The following L3MBTL3 variants were observed in gnomAD, a reference collection of about 807,000 sequenced individuals.
L3MBTL3 encodes lethal(3)malignant brain tumor-like protein 3.
A neutral mutation model predicts 102.3 loss-of-function variants in L3MBTL3; 27 were observed. The ratio of observed to expected loss-of-function variants is 0.26; its 90% CI spans 0.19 to 0.36. The LOEUF is 0.36. L3MBTL3 is among the 10% of genes least tolerant of loss of function. The probability of loss-of-function intolerance (pLI) is 1.00; values close to 1 mark genes in which losing one functional copy is unlikely to be tolerated. For missense variants in L3MBTL3, 798 were observed against 955.3 expected (o/e 0.84, Z 2.17); for synonymous variants, 340 against 320.9 (o/e 1.06, Z -0.64).
Position 130,133,270 on chromosome 6 carries a change from A to G in L3MBTL3, c.1967-182A>G. 1.8e-6 allele frequency: 1 copy of G among 568,090 alleles called. No individual in the cohort carries two copies. Among genetic ancestry groups the G allele is most frequent in the African/African-American group, 1.9e-5 (1 of 53,682 alleles). 35.2% of individuals were successfully genotyped at this position (568,090 alleles called of 1,614,324 possible). A position where few individuals can be genotyped will look rare whatever the true frequency, so the allele number is the denominator to read the frequency against. ...AGCAAATGATATCAGTTGAATTTAC[A>G]GGTTGTTTTTTATAGTGACCTTCAG... On this transcript the variant is annotated intron_variant, in intron 20 of 22. Transcript: ENST00000361794. The surrounding 1 kb of genome is among the most constrained non-coding windows in gnomAD (Gnocchi z 4.9).
chr6:130,082,914 C>G (rs1352445684), intron 14 of L3MBTL3, among the ~76,000 whole-genome samples: 1 of 152,192 alleles, frequency 6.6e-6, no homozygotes, highest in Non-Finnish European at 1.5e-5. Flanking sequence ...TGGTTTCCCT[C>G]AAACCTGGCT....
chr6:130,032,955 T>A (rs1050331757), intron 2 of L3MBTL3, among the ~76,000 whole-genome samples: 3 of 152,154 alleles, frequency 2.0e-5, no homozygotes, highest in Non-Finnish European at 4.4e-5. Context: ...ATTGCACCAC[T>A]GCACTCCAGC....
At chr6:130,041,858 G>C (rs1181084689) in intron 2 of L3MBTL3, among the ~76,000 whole-genome samples, 2 of 152,072 alleles carry the variant, frequency 1.3e-5, no homozygotes, top group Non-Finnish European at 2.9e-5. Flanking sequence ...TGTGAGAAAT[G>C]GTATTTAGAC....
chr6:130,089,502 T>G (rs1252890688), intron 16 of L3MBTL3, among the ~76,000 whole-genome samples: 1 of 152,182 alleles, frequency 6.6e-6, no homozygotes, highest in East Asian at 1.9e-4. Flanking sequence ...GTCTTTGCTA[T>G]TGTGAATAGT....
rs1471200452 is a variant in L3MBTL3 at position 130,049,182 on chromosome 6, G to GTAATA, written c.103-96_103-95insATAAT. ...AATTGTCTAAATTAACTTTTACCAT[G>GTAATA]TAATTAATTTGCTTGAAGACTATAT... On this transcript the variant is annotated intron_variant, in intron 3 of 22. Coordinates refer to ENST00000361794, the MANE Select transcript of L3MBTL3 (RefSeq NM_032438.4). 31 of 677,578 alleles carry GTAATA rather than the reference G, an allele frequency of 4.6e-5. 1 individual carries two copies. The South Asian group carries it at 5.7e-4, about 12-fold the overall frequency. 42.0% of individuals were successfully genotyped at this position (677,578 alleles called of 1,614,324 possible).
chr6:130,102,071 ATC>A (rs1562312475), intron 18 of L3MBTL3, among the ~76,000 whole-genome samples: 1 of 151,670 alleles, frequency 6.6e-6, no homozygotes. Flanking sequence ...CCCCCAAATC[ATC>A]TTCTCCTTAG....
At chr6:130,106,039 G>A (rs1784961711) in intron 19 of L3MBTL3, among the ~76,000 whole-genome samples, 1 of 152,116 alleles carries the variant, frequency 6.6e-6, no homozygotes, top group South Asian at 2.1e-4. Flanking sequence ...GTCAGCATTT[G>A]TGATCAAGGA....
intron 19 of L3MBTL3, among the ~76,000 whole-genome samples, chr6:130,116,856 T>C (rs1785720219): frequency 2.0e-5 from 3 of 152,036 alleles, no homozygotes; most frequent in Non-Finnish European, 4.4e-5. Context: ...GGTCAGGAAA[T>C]GTTTAGGTTG....
chr6:130,099,385 C>T (rs562047660), intron 18 of L3MBTL3, among the ~76,000 whole-genome samples: 1 of 152,106 alleles, frequency 6.6e-6, no homozygotes, highest in African/African-American at 2.4e-5. Flanking sequence ...AAACTTAGTA[C>T]GTGAGAAATT....
intron 19 of L3MBTL3, among the ~76,000 whole-genome samples, chr6:130,116,526 G>A (rs970565916): frequency 6.6e-6 from 1 of 152,168 alleles, no homozygotes; most frequent in Admixed American, 6.5e-5. Context: ...GGTGAGGCAG[G>A]AGGATTGCTT....
At chr6:130,076,987 A>G (rs1036437508) in intron 13 of L3MBTL3, among the ~76,000 whole-genome samples, 3 of 152,144 alleles carry the variant, frequency 2.0e-5, no homozygotes, top group Non-Finnish European at 4.4e-5. Flanking sequence ...CTTAATTGCA[A>G]TTTGTATATC....
chr6:130,130,028 C>T (rs554475123), intron 20 of L3MBTL3, among the ~76,000 whole-genome samples: 10 of 152,182 alleles, frequency 6.6e-5, no homozygotes, highest in African/African-American at 2.4e-4. Flanking sequence ...CATCAGTTAG[C>T]GAGGAAGACT....
At chr6:130,108,231 G>GTTTTTT (rs869221525) in intron 19 of L3MBTL3, among the ~76,000 whole-genome samples, 3 of 91,050 alleles carry the variant, frequency 3.3e-5, no homozygotes, top group Admixed American at 1.3e-4. Flanking sequence ...TTTTTTTTTT[G>GTTTTTT]TTTTTTTTTT....
At chr6:130,080,357 T>C (rs1328242414) in intron 14 of L3MBTL3, among the ~76,000 whole-genome samples, 1 of 152,226 alleles carries the variant, frequency 6.6e-6, no homozygotes, top group Non-Finnish European at 1.5e-5. Flanking sequence ...CCTTTGTCTG[T>C]CCTGCGGCTT....
chr6:130,070,578 G>A lies in L3MBTL3; in HGVS notation c.1093-398G>A, dbSNP rs551806990. Among the ~76,000 whole-genome samples the A allele has an allele frequency of 5.3e-5, 8 of 152,202 alleles. No individual in the cohort carries two copies. In the East Asian group the frequency reaches 9.7e-4, roughly 18 times the overall value. On this transcript the variant is annotated intron_variant, in intron 12 of 22. Transcript: ENST00000361794. ...TTTAACTTGATTAAGTGCATATTTT[G>A]TGTGAATAATTTTCATTGTTAAGTC...
chr6:130,062,960 C>T (rs560317342), intron 10 of L3MBTL3, among the ~76,000 whole-genome samples: 2 of 150,776 alleles, frequency 1.3e-5, no homozygotes, highest in African/African-American at 4.9e-5. Context: ...TTTTTTCTCT[C>T]CCTCCCTCCC....
chr6:130,035,059 C>T (rs560678880), intron 2 of L3MBTL3, among the ~76,000 whole-genome samples: 3 of 152,040 alleles, frequency 2.0e-5, no homozygotes, highest in Non-Finnish European at 4.4e-5. Context: ...CAGTTGTTGG[C>T]ATTAATAACA....
Position 130,070,971 on chromosome 6 carries a change from C to T in L3MBTL3, c.1093-5C>T, listed in dbSNP as rs751952544. 3 of 1,611,226 alleles carry T rather than the reference C, an allele frequency of 1.9e-6. No individual in the cohort carries two copies. Among genetic ancestry groups the T allele is most frequent in the Non-Finnish European group, 2.5e-6 (3 of 1,178,434 alleles). On this transcript the variant is annotated splice_polypyrimidine_tract_variant and splice_region_variant and intron_variant, in intron 12 of 22. Coordinates refer to ENST00000361794, the MANE Select transcript of L3MBTL3 (RefSeq NM_032438.4). ...ATCTCTAATTAAATCTGTGTGTTTCCATAGACAGTGATCCCATCGGGCTTT... is the reference window on the plus strand; with the variant it reads ...ATCTCTAATTAAATCTGTGTGTTTCTATAGACAGTGATCCCATCGGGCTTT...
rs923502918 is a variant in L3MBTL3 at position 130,020,105 on chromosome 6, AGGGGTC to A, written c.-95+1446_-95+1451del. ...CCTGCCTTATTCTGGGGAGGAAAAG[AGGGGTC>A]GGGGCCGGGGCCGGCGCCGGGGCCA... is the stretch of plus-strand genomic sequence containing the variant. On this transcript the variant is annotated intron_variant, in intron 1 of 22. Transcript: ENST00000361794. Among the ~76,000 whole-genome samples, 12 of 145,268 alleles carry A rather than the reference AGGGGTC, an allele frequency of 8.3e-5. No individual in the cohort carries two copies. In the South Asian group the frequency reaches 1.3e-3, roughly 16 times the overall value.
Sources: allele counts gnomAD v4.1 joint callset (sites outside exome capture counted in the v4.1 genomes callset), GRCh38; gene constraint gnomAD v4.1.1; non-coding constraint Gnocchi (gnomAD v3.1); transcripts MANE v1.5; gene names NCBI Gene and HGNC (gene_info 2026-07-23, HGNC 2026-07-21).